The following ZMYM2 variants were observed in gnomAD, a reference collection of about 807,000 sequenced individuals.
ZMYM2 encodes zinc finger MYM-type protein 2.
In ZMYM2, 56 loss-of-function variants were observed where a neutral mutation model predicts 162.8. The observed-to-expected ratio is 0.34, with a 90% confidence interval of 0.28 to 0.43. The LOEUF is 0.43. ZMYM2 is among the 20% of genes least tolerant of loss of function. The pLI, the probability that ZMYM2 is intolerant of heterozygous loss-of-function variation, is 1.00. For missense variants in ZMYM2, 1,275 were observed against 1,621.8 expected, an observed-to-expected ratio of 0.79 and a Z score of 3.67; for synonymous variants, 510 against 541.6, an observed-to-expected ratio of 0.94 and a Z score of 0.81.
At chr13:20,050,831 A>C (rs992495912) in intron 12 of ZMYM2, among the ~76,000 whole-genome samples, 2 of 152,064 alleles carry the variant, frequency 1.3e-5, no homozygotes, top group Non-Finnish European at 2.9e-5. Context: ...ATGTGGGTCA[A>C]ATTGCTTGTC....
intron 2 of ZMYM2, among the ~76,000 whole-genome samples, chr13:19,984,015 C>T (rs1396066638): frequency 1.3e-5 from 2 of 152,192 alleles, no homozygotes; most frequent in African/African-American, 2.4e-5. Flanking sequence ...TTATAATACT[C>T]TTTGCTGTAA....
the ZMYM2 span, among the ~76,000 whole-genome samples, chr13:19,912,532 C>T: frequency 3.3e-5 from 5 of 151,864 alleles, no homozygotes; most frequent in East Asian, 7.7e-4. Context: ...TGGAGTCTCA[C>T]TAAGTTGTCC....
chr13:19,967,264 C>G (rs9315234), intron 2 of ZMYM2, among the ~76,000 whole-genome samples: 12,999 of 151,924 alleles, frequency 0.086, 819 homozygotes, highest in African/African-American at 0.17. Context: ...ACAGTAAACT[C>G]GTGAATTTGG....
intron 12 of ZMYM2, among the ~76,000 whole-genome samples, chr13:20,040,797 G>A (rs975888557): frequency 5.9e-5 from 9 of 152,130 alleles, no homozygotes; most frequent in African/African-American, 1.4e-4. Context: ...ATTCTGGTAC[G>A]TTGTATCTTT....
chr13:20,058,414 A>G (rs2872184), intron 14 of ZMYM2, among the ~76,000 whole-genome samples, 161 bp from the exon 15 acceptor site: 8,583 of 152,306 alleles, frequency 0.056, 274 homozygotes, highest in Middle Eastern at 0.092. Context: ...ATTGATCCTT[A>G]TAGATTAAGA....
intron 21 of ZMYM2, among the ~76,000 whole-genome samples, chr13:20,070,667 C>T (rs927608113): frequency 2.0e-5 from 3 of 152,042 alleles, no homozygotes; most frequent in South Asian, 2.1e-4. Flanking sequence ...CACACCACCA[C>T]GCCCGGCTAA....
At position 20,061,111 on chromosome 13, in the gene ZMYM2, C is replaced by T. The variant is rs1431409052; in HGVS notation, c.2798C>T (p.Ala933Val). The T allele has an allele frequency of 6.2e-7, 1 of 1,612,724 alleles. No individual in the cohort carries two copies. The highest frequency in any genetic ancestry group is 1.7e-5 in the Admixed American group (1 of 59,848). Residue 933 changes from alanine to valine, a missense_variant, in exon 17 of 25, where the codon GCA becomes GTA. Physicochemically the swap from Ala to Val is moderately conservative, Grantham distance 64. Around this residue, in one of 10 missense-constraint regions of ZMYM2, gnomAD observed 229 missense variants for 283.8 expected, o/e 0.81. Coordinates refer to ENST00000610343, the MANE Select transcript of ZMYM2 (RefSeq NM_197968.4). ...PLDSSEKIPA[A>V]IEELKSKVSS... ...GACAGCAGTGAGAAGATTCCTGCAGCAATTGAGGAGCTAAAAAGCAAGGTT... is the reference window on the plus strand; with the variant it reads ...GACAGCAGTGAGAAGATTCCTGCAGTAATTGAGGAGCTAAAAAGCAAGGTT...
At position 20,082,971 on chromosome 13, in the gene ZMYM2, G is replaced by A. The variant is rs927221360; in HGVS notation, c.3759G>A (p.Thr1253=). Residue 1253 remains threonine (T), a synonymous_variant, in exon 23 of 25, where the codon ACG becomes ACA. Transcript: ENST00000610343. The stretch of plus-strand genomic sequence containing the variant: ...GGCATTGGAAAAAAAATCCTTTAAC[G>A]ATGGAAAACAAAGCGTGTCTTCGAT... ...VFRHWKKNPL[T]MENKACLRYQ... is the part of the protein sequence containing the mutation. 4 of 1,613,942 alleles carry A rather than the reference G, an allele frequency of 2.5e-6. No homozygotes were observed. Among genetic ancestry groups the A allele is most frequent in the South Asian group, 2.2e-5 (2 of 91,074 alleles).
the ZMYM2 span, among the ~76,000 whole-genome samples, chr13:19,886,891 G>A: frequency 1.3e-5 from 2 of 151,240 alleles, no homozygotes; most frequent in Admixed American, 6.6e-5. Context: ...CGGACTCTTG[G>A]CCTCATGTGA....
intron 2 of ZMYM2, among the ~76,000 whole-genome samples, chr13:19,971,244 G>GTGTGTATATATATATA (rs5802035): frequency 6.0e-5 from 3 of 50,132 alleles, no homozygotes; most frequent in East Asian, 2.8e-3. Flanking sequence ...GTGTGTGTGT[G>GTGTGTATATATATATA]TATATATATA....
chr13:19,985,634 A>G (rs1192512394), intron 2 of ZMYM2, among the ~76,000 whole-genome samples: 1 of 150,322 alleles, frequency 6.7e-6, no homozygotes, highest in Non-Finnish European at 1.5e-5. Flanking sequence ...TCCAGGAGAC[A>G]GAGGTTGCAG....
chr13:20,077,953 G>A (rs574589654), intron 21 of ZMYM2, among the ~76,000 whole-genome samples: 90 of 151,886 alleles, frequency 5.9e-4, no homozygotes, highest in African/African-American at 2.0e-3. Flanking sequence ...GAATAGCTGG[G>A]ACTACAGGCG....
intron 2 of ZMYM2, among the ~76,000 whole-genome samples, chr13:19,970,505 A>C (rs979696873): frequency 3.3e-5 from 5 of 151,772 alleles, no homozygotes; most frequent in Non-Finnish European, 5.9e-5. Context: ...TTAACAGGGA[A>C]ATGGGCTTGG....
intron 21 of ZMYM2, among the ~76,000 whole-genome samples, chr13:20,069,101 A>T (rs1023502805): frequency 2.6e-5 from 4 of 152,178 alleles, no homozygotes; most frequent in Non-Finnish European, 4.4e-5. Context: ...TGCAAAATAT[A>T]ACTGATTTTT....
intron 21 of ZMYM2, among the ~76,000 whole-genome samples, chr13:20,079,316 C>CAAAAAAAAAAAAAAAAA (rs1158594782): frequency 1.3e-4 from 3 of 23,164 alleles, no homozygotes; most frequent in African/African-American, 4.4e-4. Flanking sequence ...GACTCTGTCT[C>CAAAAAAAAAAAAAAAAA]AAAAAAAAAA....
At chr13:20,022,532 T>C (rs1952209641) in intron 7 of ZMYM2, among the ~76,000 whole-genome samples, 1 of 152,212 alleles carries the variant, frequency 6.6e-6, no homozygotes, top group South Asian at 2.1e-4. Context: ...CACCCACTAT[T>C]TTTAGCATCT....
intron 6 of ZMYM2, among the ~76,000 whole-genome samples, chr13:20,007,671 A>C (rs1274001999): frequency 7.1e-6 from 1 of 140,020 alleles, no homozygotes; most frequent in African/African-American, 2.7e-5. Context: ...CCCAGGCTGG[A>C]GTGCATTGGC....
In ZMYM2 at chr13:20,036,894, G is replaced by A. The variant is rs1249959660; in HGVS notation, c.2277G>A (p.Gln759=). 4 of 1,608,964 alleles carry A rather than the reference G, an allele frequency of 2.5e-6. No homozygotes were observed. The Admixed American group carries it at 6.8e-5, about 27-fold the overall frequency. ...FCSEDCCKKF[Q]DWYYKAARCD... ...GTGAAGATTGCTGTAAAAAATTTCA[G>A]GATTGGTACTACAAGGCGAGTAACT... The change falls in exon 12 of 25, where the codon CAG becomes CAA. Residue 759 remains glutamine, a synonymous_variant. Transcript: ENST00000610343.
At chr13:19,873,638 A>T in the ZMYM2 span, among the ~76,000 whole-genome samples, 1 of 151,770 alleles carries the variant, frequency 6.6e-6, no homozygotes, top group Non-Finnish European at 1.5e-5. Flanking sequence ...CGAACTCCTG[A>T]CCTTGTGATC....
Sources: gnomAD v4.1 joint callset for allele counts (sites outside exome capture counted in the v4.1 genomes callset) on GRCh38, gnomAD v4.1.1 for gene constraint, gnomAD v4.1.1 regional missense constraint, MANE v1.5 for transcripts, NCBI Gene and HGNC (gene_info 2026-07-23, HGNC 2026-07-21) for gene names.